The following SPMAP2L variants were observed in gnomAD, a reference collection of about 807,000 sequenced individuals.
SPMAP2L encodes the protein sperm microtubule associated protein 2 like.
the SPMAP2L span, chr4:56,559,532 T>G: frequency 4.7e-6 from 7 of 1,480,000 alleles, no homozygotes; most frequent in African/African-American, 1.4e-5. Flanking sequence ...TTAGTGTCTG[T>G]GTGTTATCAT....
the SPMAP2L span, among the ~76,000 whole-genome samples, chr4:56,574,643 A>T: frequency 6.6e-6 from 1 of 152,204 alleles, no homozygotes; most frequent in Non-Finnish European, 1.5e-5. Flanking sequence ...TGGTTTTAAA[A>T]GCAGCAAATT....
the SPMAP2L span, among the ~76,000 whole-genome samples, chr4:56,607,206 T>C: frequency 2.6e-4 from 39 of 152,316 alleles, 1 homozygote; most frequent in South Asian, 7.9e-3. Flanking sequence ...GACTCTGCTC[T>C]AATAAATTGG....
the SPMAP2L span, among the ~76,000 whole-genome samples, chr4:56,582,458 C>T: frequency 1.3e-5 from 2 of 152,118 alleles, no homozygotes; most frequent in Non-Finnish European, 2.9e-5. Flanking sequence ...AGATGCTCAG[C>T]ATCATTTGCC....
the SPMAP2L span, chr4:56,593,533 T>C: frequency 6.3e-7 from 1 of 1,599,846 alleles, no homozygotes; most frequent in East Asian, 2.2e-5. Flanking sequence ...CTGCTGTGTG[T>C]GCTACTGACC....
the SPMAP2L span, among the ~76,000 whole-genome samples, chr4:56,574,977 G>A: frequency 1.5e-4 from 23 of 151,684 alleles, no homozygotes; most frequent in African/African-American, 4.4e-4. Flanking sequence ...TCTGCTGGGC[G>A]CGGTGGCTCA....
At chr4:56,539,514 C>T in the SPMAP2L span, among the ~76,000 whole-genome samples, 3 of 152,116 alleles carry the variant, frequency 2.0e-5, no homozygotes, top group African/African-American at 7.2e-5. Flanking sequence ...CTCTGCCTCC[C>T]AGGTTCAAGC....
At chr4:56,616,774 T>C in the SPMAP2L span, among the ~76,000 whole-genome samples, 1 of 152,200 alleles carries the variant, frequency 6.6e-6, no homozygotes, top group Non-Finnish European at 1.5e-5. Context: ...ATTCCTTTTT[T>C]AAGATCTTCC....
chr4:56,586,575 G>A, the SPMAP2L span, among the ~76,000 whole-genome samples: 1 of 152,186 alleles, frequency 6.6e-6, no homozygotes, highest in South Asian at 2.1e-4. Flanking sequence ...TGTGTGTGGT[G>A]CCCAGGCTGG....
chr4:56,554,937 C>CTTTTTTT, the SPMAP2L span, among the ~76,000 whole-genome samples: 1 of 93,438 alleles, frequency 1.1e-5, no homozygotes, highest in East Asian at 2.7e-4. Context: ...ACTATCATTT[C>CTTTTTTT]TTTTTTTTTT....
chr4:56,539,766 G>C, the SPMAP2L span, among the ~76,000 whole-genome samples: 2 of 152,100 alleles, frequency 1.3e-5, no homozygotes, highest in Non-Finnish European at 2.9e-5. Flanking sequence ...TTTTTAGAGA[G>C]AGTCTCATGA....
the SPMAP2L span, chr4:56,594,474 C>T: frequency 2.5e-6 from 4 of 1,605,810 alleles, no homozygotes; most frequent in South Asian, 4.4e-5. Context: ...TGTGAACTCA[C>T]AGGTTATGAC....
At chr4:56,543,018 A>G in the SPMAP2L span, among the ~76,000 whole-genome samples, 1 of 152,176 alleles carries the variant, frequency 6.6e-6, no homozygotes, top group African/African-American at 2.4e-5. Context: ...GAACTTAAAA[A>G]AAAAAATTCA....
chr4:56,618,468 C>A, the SPMAP2L span, among the ~76,000 whole-genome samples: 1 of 152,116 alleles, frequency 6.6e-6, no homozygotes, highest in African/African-American at 2.4e-5. Context: ...TTCTTCAGGG[C>A]TGGGGAGGCC....
the SPMAP2L span, among the ~76,000 whole-genome samples, chr4:56,552,042 ACT>A: frequency 6.6e-6 from 1 of 152,130 alleles, no homozygotes; most frequent in Admixed American, 6.5e-5. Context: ...GAGGGCACAA[ACT>A]CTCTCTGCTG....
chr4:56,572,900 T>C, the SPMAP2L span, among the ~76,000 whole-genome samples: 2 of 151,600 alleles, frequency 1.3e-5, no homozygotes, highest in Admixed American at 6.6e-5. Flanking sequence ...CCTATAATTC[T>C]AGCTACTTGG....
At chr4:56,574,932 G>A in the SPMAP2L span, among the ~76,000 whole-genome samples, 7 of 151,156 alleles carry the variant, frequency 4.6e-5, no homozygotes, top group Non-Finnish European at 1.0e-4. Flanking sequence ...CAGTGAGCCC[G>A]TGTATGATCC....
the SPMAP2L span, among the ~76,000 whole-genome samples, chr4:56,561,235 A>G: frequency 3.3e-5 from 5 of 152,178 alleles, no homozygotes; most frequent in African/African-American, 1.2e-4. Context: ...TACATGATTA[A>G]TCTTCTTTCT....
At chr4:56,601,350 G>A in the SPMAP2L span, among the ~76,000 whole-genome samples, 1 of 152,140 alleles carries the variant, frequency 6.6e-6, no homozygotes. Flanking sequence ...TGGGGCAGGT[G>A]GATCACACCT....
the SPMAP2L span, among the ~76,000 whole-genome samples, chr4:56,544,628 A>T: frequency 0.018 from 2,766 of 151,534 alleles, 81 homozygotes; most frequent in African/African-American, 0.06. Flanking sequence ...TTTTTTTTTT[A>T]AATTTCAACT....
Sources: gnomAD v4.1 joint callset for allele counts (sites outside exome capture counted in the v4.1 genomes callset) on GRCh38, gnomAD v4.1.1 for gene constraint, MANE v1.5 for transcripts, NCBI Gene and HGNC (gene_info 2026-07-23, HGNC 2026-07-21) for gene names.